PUS7: variants seen among roughly 807,000 people sequenced by gnomAD.
PUS7 encodes pseudouridylate synthase 7 homolog.
A neutral mutation model predicts 79.8 loss-of-function variants in PUS7; 48 were observed. The ratio of observed to expected loss-of-function variants is 0.60; its 90% CI spans 0.48 to 0.76. The LOEUF (loss-of-function observed/expected upper bound fraction) is 0.76. PUS7 is among the 30% of genes least tolerant of loss of function. The probability of loss-of-function intolerance (pLI) is 0.00; values close to 1 mark genes in which losing one functional copy is unlikely to be tolerated. For missense variants in PUS7, 729 were observed against 797.6 expected, an observed-to-expected ratio of 0.91 and a Z score of 1.04; for synonymous variants, 286 against 272.2, an observed-to-expected ratio of 1.05 and a Z score of -0.50.
chr7:105,476,365 T>C (rs1824112122), intron 9 of PUS7, among the ~76,000 whole-genome samples: 1 of 151,948 alleles, frequency 6.6e-6, no homozygotes, highest in Non-Finnish European at 1.5e-5. Context: ...AATTTATATA[T>C]ATATATTTTT....
At chr7:105,481,931 C>T (rs537896946) in intron 8 of PUS7, among the ~76,000 whole-genome samples, 10 of 152,246 alleles carry the variant, frequency 6.6e-5, no homozygotes, top group Non-Finnish European at 1.2e-4. Flanking sequence ...AGGGTTTCAC[C>T]GTATTAGCCA....
intron 5 of PUS7, among the ~76,000 whole-genome samples, chr7:105,496,574 A>C (rs1825045613): frequency 6.6e-6 from 1 of 152,208 alleles, no homozygotes. Flanking sequence ...TACTGCTGGT[A>C]CCGAAGCTGG....
chr7:105,474,713 G>A (rs941143487), intron 9 of PUS7, among the ~76,000 whole-genome samples: 6 of 152,004 alleles, frequency 3.9e-5, no homozygotes, highest in Non-Finnish European at 7.4e-5. Flanking sequence ...CCCAGGAGGC[G>A]GAGGTTGCAG....
At position 105,457,700 on chromosome 7, in the gene PUS7, CAT is replaced by C. The variant is rs1823242246; in HGVS notation, c.*88_*89del. On this transcript the variant is annotated 3_prime_UTR_variant, in exon 16 of 16. Transcript: ENST00000469408. ...ATTTTTATTACAAAGATTTGAAATC[CAT>C]ATATGAGTCTGAACTAAGACAAAAA... is the stretch of plus-strand genomic sequence containing the variant. 8.4e-7 allele frequency: 1 copy of C among 1,194,572 alleles called. No individual in the cohort carries two copies. The allele number at this position is 1,194,572 out of a possible 1,614,324, so 74.0% of individuals were successfully genotyped here. A position where few individuals can be genotyped will look rare whatever the true frequency, so the allele number is the denominator to read the frequency against.
chr7:105,496,070 G>C (rs994210226), intron 5 of PUS7, among the ~76,000 whole-genome samples: 10 of 151,344 alleles, frequency 6.6e-5, no homozygotes, highest in African/African-American at 2.4e-4. Flanking sequence ...TGAGGCAAGA[G>C]AATTGCTTGA....
At chr7:105,501,729 G>A (rs1362133748) in intron 5 of PUS7, among the ~76,000 whole-genome samples, 1 of 152,004 alleles carries the variant, frequency 6.6e-6, no homozygotes, top group Non-Finnish European at 1.5e-5. Context: ...GCCGAGACGG[G>A]TGGATCACGA....
chr7:105,472,021 A>G, intron 10 of PUS7, 111 bp downstream of exon 10: 1 of 668,490 alleles, frequency 1.5e-6, no homozygotes, highest in African/African-American at 1.9e-5. Flanking sequence ...AAAAACAAAT[A>G]AAATACTGAA....
intron 5 of PUS7, chr7:105,497,114 G>A (rs1023907310): frequency 1.2e-5 from 5 of 404,948 alleles, no homozygotes; most frequent in Non-Finnish European, 1.4e-5. Context: ...TATGCGGTGG[G>A]TTAACAGCCA....
intron 5 of PUS7, among the ~76,000 whole-genome samples, chr7:105,499,887 G>A (rs1049203236): frequency 9.9e-5 from 15 of 152,212 alleles, no homozygotes; most frequent in Non-Finnish European, 4.4e-5. Flanking sequence ...TGGCTCAGGA[G>A]GACAAGCTGT....
rs1170759951 is a variant in PUS7 at position 105,482,297 on chromosome 7, C to T, written c.1049+15G>A. ...CCAGACCCTCTGGTCTACATTCCCA[C>T]CTGCAGTTCTTTACCTGAGAACAAC... On this transcript the variant is annotated intron_variant, in intron 8 of 15. Transcript: ENST00000469408. 2 of 1,611,850 alleles carry T rather than the reference C, an allele frequency of 1.2e-6. No individual in the cohort carries two copies. The highest frequency in any genetic ancestry group is 1.7e-5 in the Admixed American group (1 of 59,682).
At chr7:105,477,661 G>C (rs1390929560) in intron 9 of PUS7, among the ~76,000 whole-genome samples, 1 of 152,012 alleles carries the variant, frequency 6.6e-6, no homozygotes, top group Non-Finnish European at 1.5e-5. Context: ...TTAAAGAACT[G>C]TGGAGCATTA....
At chr7:105,496,478 A>C (rs1290481849) in intron 5 of PUS7, among the ~76,000 whole-genome samples, 1 of 152,128 alleles carries the variant, frequency 6.6e-6, no homozygotes, top group African/African-American at 2.4e-5. Context: ...AATGTTTCAT[A>C]CAACAATTCC....
chr7:105,479,462 G>A (rs1339962323), intron 9 of PUS7, among the ~76,000 whole-genome samples: 5 of 152,124 alleles, frequency 3.3e-5, no homozygotes, highest in African/African-American at 1.2e-4. Flanking sequence ...GGAAGAACAT[G>A]GACGCTTAGA....
At chr7:105,480,408 G>C (rs1226177992) in intron 9 of PUS7, among the ~76,000 whole-genome samples, 1 of 152,144 alleles carries the variant, frequency 6.6e-6, no homozygotes, top group Non-Finnish European at 1.5e-5. Context: ...CTGGGAGGTG[G>C]AGATTGCAGT....
intron 9 of PUS7, among the ~76,000 whole-genome samples, chr7:105,474,255 T>C (rs550565202): frequency 1.4e-4 from 21 of 152,330 alleles, no homozygotes; most frequent in African/African-American, 4.8e-4. Flanking sequence ...TCACCTGGAT[T>C]TTCAATCCAA....
chr7:105,458,597 G>C (rs1242999433), intron 15 of PUS7, among the ~76,000 whole-genome samples: 1 of 143,858 alleles, frequency 7.0e-6, no homozygotes, highest in Non-Finnish European at 1.5e-5. Flanking sequence ...TTTTGAGATG[G>C]AGTCTCGTTT....
chr7:105,460,131 C>G (rs990405009), intron 14 of PUS7, among the ~76,000 whole-genome samples: 2 of 151,856 alleles, frequency 1.3e-5, no homozygotes, highest in African/African-American at 2.4e-5. Flanking sequence ...GTAGAGATGG[C>G]GTTTCACCGT....
chr7:105,458,996 T>C (rs557386207), intron 15 of PUS7, among the ~76,000 whole-genome samples, 172 bp downstream of exon 15: 1 of 152,340 alleles, frequency 6.6e-6, no homozygotes, highest in Admixed American at 6.5e-5. Context: ...GAGGATTTAC[T>C]GGTTTTAATC....
chr7:105,522,067 G>C lies in PUS7; in HGVS notation c.-48C>G, dbSNP rs1826144802. ...GCGCACTTACCCGGAGCCTGGGAGCGCGGGCGCGGCGTGAGCTGGGCGGCG... is the reference window on the plus strand; with the variant it reads ...GCGCACTTACCCGGAGCCTGGGAGCCCGGGCGCGGCGTGAGCTGGGCGGCG... On this transcript the variant is annotated 5_prime_UTR_variant, in exon 1 of 16. Coordinates refer to ENST00000469408, the MANE Select transcript of PUS7 (RefSeq NM_019042.5). 6.6e-6 allele frequency: 1 copy of C among 152,006 alleles called. No individual in the cohort carries two copies. The highest frequency in any genetic ancestry group is 1.5e-5 in the Non-Finnish European group (1 of 68,454). The allele number at this position is 152,006 out of a possible 1,614,324, so 9.4% of individuals were successfully genotyped here. A position where few individuals can be genotyped will look rare whatever the true frequency, so the allele number is the denominator to read the frequency against.
Sources: gnomAD v4.1 joint callset for allele counts (sites outside exome capture counted in the v4.1 genomes callset) on GRCh38, gnomAD v4.1.1 for gene constraint, MANE v1.5 for transcripts, NCBI Gene and HGNC (gene_info 2026-07-23, HGNC 2026-07-21) for gene names.